Variants in EPHA5 observed in about 807,000 individuals in gnomAD.
EPHA5 encodes EPH receptor A5, also known as ephrin type-A receptor 5.
EPHA5 carries 60 observed loss-of-function variants against 105.0 expected under a neutral mutation model. The ratio of observed to expected loss-of-function variants is 0.57; its 90% CI spans 0.46 to 0.71. The LOEUF (loss-of-function observed/expected upper bound fraction) is 0.71, where lower values mean the gene tolerates loss of function less well. Among genes scored for constraint, EPHA5 ranks in the 30% least tolerant of loss-of-function variants. The pLI, the probability that EPHA5 is intolerant of heterozygous loss-of-function variation, is 0.00. For missense variants in EPHA5, 1,218 were observed against 1,274.7 expected, an observed-to-expected ratio of 0.96 and a Z score of 0.68; for synonymous variants, 513 against 449.1, an observed-to-expected ratio of 1.14 and a Z score of -1.80.
intron 2 of EPHA5, among the ~76,000 whole-genome samples, chr4:65,628,250 A>T (rs1341653922): frequency 1.3e-5 from 2 of 152,134 alleles, no homozygotes; most frequent in Non-Finnish European, 2.9e-5. Flanking sequence ...TCTTCATTTT[A>T]ACATTTTATT....
chr4:65,531,772 A>T (rs1225153215), intron 3 of EPHA5, among the ~76,000 whole-genome samples: 2 of 152,184 alleles, frequency 1.3e-5, no homozygotes, highest in Non-Finnish European at 2.9e-5. Flanking sequence ...ATGATCCAGG[A>T]ATCTGATGAT....
chr4:65,374,933 A>T lies in EPHA5; in HGVS notation c.1794-7509T>A, dbSNP rs147872128. Reference sequence around the variant, plus strand: ...TAGTATTTTACTGACTCTCCTAGATAAATGATTCTTCTCAGCTCTTAATAT... The same window carrying T: ...TAGTATTTTACTGACTCTCCTAGATTAATGATTCTTCTCAGCTCTTAATAT... On this transcript the variant is annotated intron_variant, in intron 8 of 16. Transcript: ENST00000613740. Among the ~76,000 whole-genome samples, 22 of 152,038 alleles carry T rather than the reference A, an allele frequency of 1.4e-4. No homozygotes were observed. The East Asian group carries it at 4.1e-3, about 28-fold the overall frequency.
intron 3 of EPHA5, among the ~76,000 whole-genome samples, chr4:65,591,832 C>T (rs1253547238): frequency 6.6e-6 from 1 of 151,836 alleles, no homozygotes; most frequent in Non-Finnish European, 1.5e-5. Context: ...TTTCAGACAG[C>T]TTAACTAATA....
chr4:65,471,647 G>C (rs1312383518), intron 5 of EPHA5, among the ~76,000 whole-genome samples: 2 of 152,152 alleles, frequency 1.3e-5, no homozygotes, highest in Non-Finnish European at 2.9e-5. Context: ...GTCTTGCATG[G>C]TGGCAGGTGA....
At position 65,480,562 on chromosome 4, in the gene EPHA5, A is replaced by G. The variant is rs1054804454; in HGVS notation, c.1402+9815T>C. ...AAAAAAACATGAAGATGTTGCTGGT[A>G]GAAATACTGATGATTTCTCTTTAGT... is the stretch of plus-strand genomic sequence containing the variant. On this transcript the variant is annotated intron_variant, in intron 5 of 16. Coordinates refer to ENST00000613740, the MANE Select transcript of EPHA5 (RefSeq NM_001281766.3). 2.0e-5 allele frequency among the ~76,000 whole-genome samples: 3 copies of G among 152,292 alleles called. No homozygotes were observed. In the East Asian group the frequency reaches 5.8e-4, roughly 29 times the overall value.
intron 3 of EPHA5, among the ~76,000 whole-genome samples, chr4:65,576,865 G>A (rs1363793647): frequency 6.6e-6 from 1 of 152,132 alleles, no homozygotes; most frequent in Non-Finnish European, 1.5e-5. Context: ...ACTACTGGGA[G>A]TTCTGACCTT....
chr4:65,388,485 T>A (rs1398667035), intron 8 of EPHA5, among the ~76,000 whole-genome samples: 6 of 150,736 alleles, frequency 4.0e-5, no homozygotes, highest in Admixed American at 2.0e-4. Flanking sequence ...ACCTGTTGTT[T>A]CCTGACTTTT....
chr4:65,512,042 A>G (rs1362902057), intron 3 of EPHA5, among the ~76,000 whole-genome samples: 1 of 152,206 alleles, frequency 6.6e-6, no homozygotes, highest in African/African-American at 2.4e-5. Flanking sequence ...AGTAAAAAAG[A>G]CATGTTTGAT....
chr4:65,612,134 G>A (rs908741334), intron 2 of EPHA5, among the ~76,000 whole-genome samples: 5 of 151,690 alleles, frequency 3.3e-5, no homozygotes, highest in South Asian at 4.2e-4. Context: ...ATAGAGAATG[G>A]CTTTATTTTT....
chr4:65,649,033 G>T lies in EPHA5; in HGVS notation c.182-5606C>A, dbSNP rs1578685343. ...ATTTCTGGCATCCCTTGACTGGAAG[G>T]CAGGAAGCCATAGCCAACTGTATTT... On this transcript the variant is annotated intron_variant, in intron 1 of 16. Transcript: ENST00000613740. 2.0e-5 allele frequency among the ~76,000 whole-genome samples: 3 copies of T among 152,288 alleles called. No individual in the cohort carries two copies. The East Asian group carries it at 5.8e-4, about 29-fold the overall frequency.
At chr4:65,524,976 T>C (rs949740684) in intron 3 of EPHA5, among the ~76,000 whole-genome samples, 1 of 151,742 alleles carries the variant, frequency 6.6e-6, no homozygotes, top group African/African-American at 2.4e-5. Context: ...AAAAGTCACA[T>C]CTTTTTGTGA....
Position 65,553,012 on chromosome 4 carries a change from C to G in EPHA5, c.910+48629G>C, listed in dbSNP as rs1738071769. 2.0e-5 allele frequency among the ~76,000 whole-genome samples: 3 copies of G among 151,906 alleles called. No individual in the cohort carries two copies. In the South Asian group the frequency reaches 6.2e-4, roughly 32 times the overall value. ...ATTACCTACTTTTGGGGGCATTTAT[C>G]CATTTTAGATAGAAGAGCTATAGTT... On this transcript the variant is annotated intron_variant, in intron 3 of 16. Transcript: ENST00000613740.
intron 5 of EPHA5, among the ~76,000 whole-genome samples, chr4:65,433,321 A>G (rs2149068242): frequency 6.6e-6 from 1 of 152,306 alleles, no homozygotes; most frequent in East Asian, 1.9e-4. Context: ...ATAAAACAAA[A>G]TATTCTAATG....
At chr4:65,556,900 T>C (rs1738496619) in intron 3 of EPHA5, among the ~76,000 whole-genome samples, 1 of 152,034 alleles carries the variant, frequency 6.6e-6, no homozygotes, top group Admixed American at 6.6e-5. Flanking sequence ...CTAAAAAACA[T>C]ACTGTGTTCT....
chr4:65,521,590 C>T (rs1734724668), intron 3 of EPHA5, among the ~76,000 whole-genome samples: 2 of 152,010 alleles, frequency 1.3e-5, no homozygotes, highest in South Asian at 2.1e-4. Context: ...TCCTACTATG[C>T]TTTTTTCTAA....
Position 65,348,471 on chromosome 4 carries a change from T to TA in EPHA5, c.2446-269dup. 2.0e-5 allele frequency among the ~76,000 whole-genome samples: 3 copies of TA among 151,570 alleles called. No individual in the cohort carries two copies. In the South Asian group the frequency reaches 6.2e-4, roughly 31 times the overall value. Reference sequence around the variant, plus strand: ...ATTACAGTCCTCAGTATAGCAGCTCTAAGTAAGGGAAAGCAGGCAGTCAAG... The same window carrying TA: ...ATTACAGTCCTCAGTATAGCAGCTCTAAAGTAAGGGAAAGCAGGCAGTCAAG... On this transcript the variant is annotated intron_variant, in intron 13 of 16. Transcript: ENST00000613740.
chr4:65,378,145 T>C (rs1270002800), intron 8 of EPHA5, among the ~76,000 whole-genome samples: 1 of 151,982 alleles, frequency 6.6e-6, no homozygotes, highest in African/African-American at 2.4e-5. Flanking sequence ...AGACAATTTT[T>C]ATATATTTTC....
At chr4:65,365,249 AGTCT>A in intron 10 of EPHA5, 47 bp from the exon 11 acceptor site, 1 of 1,550,600 alleles carries the variant, frequency 6.4e-7, no homozygotes, top group African/African-American at 1.4e-5. Flanking sequence ...TGAAATTGTT[AGTCT>A]ATTAACACTT....
At chr4:65,592,850 A>G (rs931624435) in intron 3 of EPHA5, among the ~76,000 whole-genome samples, 7 of 152,212 alleles carry the variant, frequency 4.6e-5, no homozygotes, top group African/African-American at 1.7e-4. Context: ...GCTGCTTAAA[A>G]TGATTGTGTT....
Sources: allele counts gnomAD v4.1 joint callset (sites outside exome capture counted in the v4.1 genomes callset), GRCh38; gene constraint gnomAD v4.1.1; transcripts MANE v1.5; gene names NCBI Gene and HGNC (gene_info 2026-07-23, HGNC 2026-07-21).